Variants in MAP7 observed in about 807,000 individuals in gnomAD.
The protein encoded by MAP7 is microtubule associated protein 7.
A neutral mutation model predicts 94.8 loss-of-function variants in MAP7; 52 were observed. The observed-to-expected ratio is 0.55, with a 90% CI of 0.44 to 0.69. The LOEUF (loss-of-function observed/expected upper bound fraction) is 0.69, where lower values mean the gene tolerates loss of function less well. Among genes scored for constraint, MAP7 ranks in the 30% least tolerant of loss-of-function variants. The pLI, the probability that MAP7 is intolerant of heterozygous loss-of-function variation, is 0.00. For synonymous variants in MAP7, 350 were observed against 357.0 expected, an observed-to-expected ratio of 0.98 and a Z score of 0.22; for missense variants, 940 against 964.6, an observed-to-expected ratio of 0.97 and a Z score of 0.34.
intron 1 of MAP7, among the ~76,000 whole-genome samples, chr6:136,534,101 TTTC>T (rs1427425217): frequency 6.6e-6 from 1 of 152,232 alleles, no homozygotes; most frequent in Non-Finnish European, 1.5e-5. Context: ...AACTGTTAAT[TTTC>T]TTCTTGAGGG....
intron 2 of MAP7, among the ~76,000 whole-genome samples, chr6:136,414,611 C>G (rs1295415339): frequency 6.6e-6 from 1 of 151,898 alleles, no homozygotes; most frequent in Non-Finnish European, 1.5e-5. Context: ...CACTTTAATA[C>G]TCCTTAAATA....
At chr6:136,460,704 A>T (rs1750224565) in intron 1 of MAP7, among the ~76,000 whole-genome samples, 1 of 152,130 alleles carries the variant, frequency 6.6e-6, no homozygotes, top group Admixed American at 6.6e-5. Flanking sequence ...CTCACTTGCC[A>T]TCCTGGGACT....
chr6:136,528,129 A>G lies in MAP7; in HGVS notation c.67+22213T>C, dbSNP rs140501822. 2.8e-3 allele frequency among the ~76,000 whole-genome samples: 426 copies of G among 152,350 alleles called. 3 individuals are homozygous for G. Among genetic ancestry groups the G allele is most frequent in the African/African-American group, 9.8e-3 (406 of 41,578 alleles). On this transcript the variant is annotated intron_variant, in intron 1 of 17. Coordinates refer to ENST00000354570, the MANE Select transcript of MAP7 (RefSeq NM_003980.6). ...TCAAATGTTAGTTGGCAGCAAGTCT[A>G]CAATTAAAATTTAGACCATCTTCCT...
intron 3 of MAP7, among the ~76,000 whole-genome samples, chr6:136,389,902 A>AT (rs1780228405): frequency 6.6e-6 from 1 of 152,042 alleles, no homozygotes; most frequent in Admixed American, 6.6e-5. Flanking sequence ...CTATGACTAC[A>AT]TTTTTTCCAA....
intron 1 of MAP7, among the ~76,000 whole-genome samples, chr6:136,493,366 G>A (rs925030324): frequency 1.3e-5 from 2 of 151,990 alleles, no homozygotes; most frequent in African/African-American, 2.4e-5. Context: ...CAGGTGATCC[G>A]CCCACCTTGG....
At chr6:136,448,430 T>A (rs553012759) in intron 1 of MAP7, among the ~76,000 whole-genome samples, 1 of 151,808 alleles carries the variant, frequency 6.6e-6, no homozygotes, top group South Asian at 2.1e-4. Context: ...TTTTTTTTTT[T>A]AAGACGGAGT....
At chr6:136,461,853 G>A (rs933866946) in intron 1 of MAP7, among the ~76,000 whole-genome samples, 4 of 152,044 alleles carry the variant, frequency 2.6e-5, no homozygotes, top group African/African-American at 9.7e-5. Flanking sequence ...AAACTGCCTT[G>A]GGTATTAAAA....
chr6:136,549,915 C>T (rs1830007586), intron 1 of MAP7, among the ~76,000 whole-genome samples: 1 of 152,194 alleles, frequency 6.6e-6, no homozygotes, highest in Non-Finnish European at 1.5e-5. Context: ...AGGAGGTGCC[C>T]AGAAACTGCT....
chr6:136,413,887 C>T (rs971882163), intron 2 of MAP7, among the ~76,000 whole-genome samples: 2 of 152,120 alleles, frequency 1.3e-5, no homozygotes, highest in East Asian at 1.9e-4. Context: ...ACAGTAAAGA[C>T]GCCCCTTAGG....
At chr6:136,426,407 A>C (rs1793149108) in intron 1 of MAP7, among the ~76,000 whole-genome samples, 1 of 152,262 alleles carries the variant, frequency 6.6e-6, no homozygotes, top group Non-Finnish European at 1.5e-5. Flanking sequence ...GATGCTTATC[A>C]TCCTTTGGAG....
intron 3 of MAP7, among the ~76,000 whole-genome samples, chr6:136,397,721 G>A (rs1277233662): frequency 1.3e-5 from 2 of 152,132 alleles, no homozygotes; most frequent in African/African-American, 2.4e-5. Flanking sequence ...TGGACTGCAC[G>A]GCCTCCAGAG....
At chr6:136,512,443 CT>C (rs1562477371) in intron 1 of MAP7, among the ~76,000 whole-genome samples, 1 of 152,166 alleles carries the variant, frequency 6.6e-6, no homozygotes, top group Non-Finnish European at 1.5e-5. Context: ...TTCTTCTCAA[CT>C]TTTTATCTAG....
At chr6:136,497,499 C>T (rs1228811944) in intron 1 of MAP7, among the ~76,000 whole-genome samples, 1 of 150,544 alleles carries the variant, frequency 6.6e-6, no homozygotes, top group African/African-American at 2.5e-5. Context: ...CATTTTTCCT[C>T]TACCCCATGT....
At chr6:136,418,927 C>T (rs1040656735) in intron 2 of MAP7, among the ~76,000 whole-genome samples, 4 of 151,890 alleles carry the variant, frequency 2.6e-5, no homozygotes, top group Admixed American at 2.6e-4. Flanking sequence ...AAATCAAGAG[C>T]CTTTTATATA....
chr6:136,450,329 A>C (rs1347346654), intron 1 of MAP7, among the ~76,000 whole-genome samples: 1 of 152,170 alleles, frequency 6.6e-6, no homozygotes, highest in Non-Finnish European at 1.5e-5. Context: ...TTTAAATAGC[A>C]ATTTCCCACT....
chr6:136,529,456 A>G (rs1246527997), intron 1 of MAP7, among the ~76,000 whole-genome samples: 1 of 152,172 alleles, frequency 6.6e-6, no homozygotes. Context: ...GAGCATTTTC[A>G]ATTAGATGTG....
chr6:136,500,689 A>G (rs1240857527), intron 1 of MAP7, among the ~76,000 whole-genome samples: 1 of 152,234 alleles, frequency 6.6e-6, no homozygotes, highest in African/African-American at 2.4e-5. Context: ...GAAAAAGCAA[A>G]CTTCTAACAG....
intron 1 of MAP7, among the ~76,000 whole-genome samples, chr6:136,479,159 G>T (rs1393130642): frequency 6.6e-6 from 1 of 152,074 alleles, no homozygotes; most frequent in African/African-American, 2.4e-5. Context: ...ACATTAAAAA[G>T]ATCATTCATC....
At chr6:136,466,880 A>G in intron 1 of MAP7, 1 of 1,525,078 alleles carries the variant, frequency 6.6e-7, no homozygotes, top group Non-Finnish European at 8.8e-7. Context: ...AATATCAGTG[A>G]AGGGGCCGTT....
Sources: gnomAD v4.1 joint callset for allele counts (sites outside exome capture counted in the v4.1 genomes callset) on GRCh38, gnomAD v4.1.1 for gene constraint, MANE v1.5 for transcripts, NCBI Gene and HGNC (gene_info 2026-07-23, HGNC 2026-07-21) for gene names.